The following PPP3CA variants were observed in gnomAD, a reference collection of about 807,000 sequenced individuals.
PPP3CA encodes the protein protein phosphatase 3 catalytic subunit alpha, also known as CAM-PRP catalytic subunit.
In PPP3CA, 14 loss-of-function variants were observed where a neutral mutation model predicts 66.5. The observed-to-expected ratio is 0.21, with a 90% confidence interval of 0.14 to 0.33. The LOEUF (loss-of-function observed/expected upper bound fraction) is 0.33. Among genes scored for constraint, PPP3CA ranks in the 10% least tolerant of loss-of-function variants. The pLI is 1.00. For missense variants in PPP3CA, 317 were observed against 639.5 expected (o/e 0.50, Z 5.44); for synonymous variants, 232 against 226.2 (o/e 1.03, Z -0.23).
intron 1 of PPP3CA, among the ~76,000 whole-genome samples, chr4:101,316,392 G>A (rs1202028954): frequency 6.6e-6 from 1 of 151,980 alleles, no homozygotes; most frequent in Non-Finnish European, 1.5e-5. Context: ...CTCATTATAA[G>A]CAATCAAATA....
At chr4:101,129,966 A>G (rs1367436648) in intron 2 of PPP3CA, among the ~76,000 whole-genome samples, 2 of 152,130 alleles carry the variant, frequency 1.3e-5, no homozygotes, top group Non-Finnish European at 2.9e-5. Flanking sequence ...CTAAAGAAGC[A>G]TGTTTTAACC....
At chr4:101,342,454 C>A (rs139963934) in intron 1 of PPP3CA, among the ~76,000 whole-genome samples, 1 of 152,068 alleles carries the variant, frequency 6.6e-6, no homozygotes, top group Non-Finnish European at 1.5e-5. Flanking sequence ...AATAGACCAA[C>A]CTAACTCGTA....
intron 8 of PPP3CA, among the ~76,000 whole-genome samples, chr4:101,063,609 T>C (rs527752668): frequency 4.6e-5 from 7 of 151,924 alleles, no homozygotes; most frequent in Non-Finnish European, 7.4e-5. Flanking sequence ...ACAAAATAGT[T>C]AATCCAATGT....
intron 1 of PPP3CA, among the ~76,000 whole-genome samples, chr4:101,259,866 T>C (rs530219719): frequency 5.9e-5 from 9 of 152,276 alleles, no homozygotes; most frequent in African/African-American, 2.2e-4. Context: ...CTTTATCAGC[T>C]TCATGCCCCT....
chr4:101,289,770 T>C (rs1727960429), intron 1 of PPP3CA, among the ~76,000 whole-genome samples: 1 of 152,182 alleles, frequency 6.6e-6, no homozygotes, highest in Admixed American at 6.5e-5. Flanking sequence ...CCCTCAAATA[T>C]GAGCCTATGA....
intron 1 of PPP3CA, among the ~76,000 whole-genome samples, chr4:101,343,454 G>A (rs760769557): frequency 6.6e-6 from 1 of 152,078 alleles, no homozygotes. Flanking sequence ...GTCAAGGGGA[G>A]GAAGACAGTT....
At chr4:101,110,275 T>A (rs1721627106) in intron 2 of PPP3CA, among the ~76,000 whole-genome samples, 1 of 152,176 alleles carries the variant, frequency 6.6e-6, no homozygotes. Context: ...AGCAAGTTAT[T>A]AAAATGTTTT....
intron 8 of PPP3CA, among the ~76,000 whole-genome samples, chr4:101,073,993 GC>G (rs1246179109): frequency 1.3e-5 from 2 of 152,174 alleles, no homozygotes; most frequent in Non-Finnish European, 2.9e-5. Context: ...AAAAGCATAT[GC>G]TGGGAAAACT....
At chr4:101,071,820 A>C (rs1728932761) in intron 8 of PPP3CA, among the ~76,000 whole-genome samples, 1 of 152,230 alleles carries the variant, frequency 6.6e-6, no homozygotes, top group African/African-American at 2.4e-5. Flanking sequence ...ACAACTACTT[A>C]ACTAAATTTA....
intron 1 of PPP3CA, among the ~76,000 whole-genome samples, chr4:101,299,994 T>C (rs1728326099): frequency 6.6e-6 from 1 of 152,190 alleles, no homozygotes; most frequent in Non-Finnish European, 1.5e-5. Flanking sequence ...CTTAAAAGCA[T>C]AAAAATCTTT....
At chr4:101,028,395 A>G (rs1226684620) in intron 13 of PPP3CA, among the ~76,000 whole-genome samples, 1 of 152,204 alleles carries the variant, frequency 6.6e-6, no homozygotes, top group African/African-American at 2.4e-5. Flanking sequence ...ACTGTCCTTG[A>G]GCAGTGCTAG....
intron 1 of PPP3CA, among the ~76,000 whole-genome samples, chr4:101,262,336 C>G (rs1460879279): frequency 1.3e-5 from 2 of 152,030 alleles, no homozygotes; most frequent in East Asian, 3.9e-4. Flanking sequence ...TGTCTTAATT[C>G]ATATCGTTAA....
At chr4:101,279,693 C>T (rs560887159) in intron 1 of PPP3CA, among the ~76,000 whole-genome samples, 11 of 152,174 alleles carry the variant, frequency 7.2e-5, no homozygotes, top group East Asian at 1.9e-4. Context: ...AGGCTTTTTA[C>T]TATAAAAAGG....
chr4:101,134,231 T>C (rs1220120490), intron 2 of PPP3CA, among the ~76,000 whole-genome samples: 2 of 152,084 alleles, frequency 1.3e-5, no homozygotes, highest in Non-Finnish European at 2.9e-5. Flanking sequence ...AAACCCAAAA[T>C]TGACAAATAG....
chr4:101,107,870 GA>G (rs1721488791), intron 3 of PPP3CA, among the ~76,000 whole-genome samples: 1 of 152,054 alleles, frequency 6.6e-6, no homozygotes, highest in Non-Finnish European at 1.5e-5. Context: ...CTTTAATTAA[GA>G]ATAATCATTT....
chr4:101,321,638 T>TA (rs1165819313), intron 1 of PPP3CA, among the ~76,000 whole-genome samples: 4 of 152,156 alleles, frequency 2.6e-5, no homozygotes, highest in East Asian at 1.9e-4. Context: ...TCATCTGGCA[T>TA]AAAACAAGGG....
chr4:101,307,225 T>TA (rs1257455171), intron 1 of PPP3CA, among the ~76,000 whole-genome samples: 8 of 149,422 alleles, frequency 5.4e-5, no homozygotes, highest in Non-Finnish European at 1.5e-5. Context: ...CAAATGACCC[T>TA]ACCTTACGTG....
At chr4:101,136,200 T>C (rs1435264663) in intron 2 of PPP3CA, among the ~76,000 whole-genome samples, 1 of 152,218 alleles carries the variant, frequency 6.6e-6, no homozygotes, top group East Asian at 1.9e-4. Context: ...CTTTGGCTCA[T>C]CAGTCATTTT....
rs577090641 is a variant in PPP3CA, at chr4:101,163,910, T to C, written c.259+32006A>G. 3.1e-4 allele frequency among the ~76,000 whole-genome samples: 47 copies of C among 152,084 alleles called. 1 individual carries two copies. The highest frequency in any genetic ancestry group is 1.1e-3 in the African/African-American group (46 of 41,462). On this transcript the variant is annotated intron_variant, in intron 2 of 13. Transcript: ENST00000394854. ...CCAGTAGCTATTTATCATGAATAAA[T>C]AGATTTCTATCATGATCTCAGGTGG...
Sources: gnomAD v4.1 joint callset for allele counts (sites outside exome capture counted in the v4.1 genomes callset) on GRCh38, gnomAD v4.1.1 for gene constraint, MANE v1.5 for transcripts, NCBI Gene and HGNC (gene_info 2026-07-23, HGNC 2026-07-21) for gene names.